PLXNA4: variants seen among roughly 807,000 people sequenced by gnomAD.
PLXNA4 encodes plexin A4, also known as plexin-A4.
Under a neutral mutation model 191.8 loss-of-function variants are expected in PLXNA4, and 44 were observed. The observed-to-expected ratio is 0.23, with a 90% CI of 0.18 to 0.29. The LOEUF (loss-of-function observed/expected upper bound fraction) is 0.29, where lower values mean the gene tolerates loss of function less well. Among genes scored for constraint, PLXNA4 ranks in the 10% least tolerant of loss-of-function variants. The probability of loss-of-function intolerance (pLI) is 1.00; values close to 1 mark genes in which losing one functional copy is unlikely to be tolerated. For synonymous variants in PLXNA4, 1,082 were observed against 1,009.5 expected (o/e 1.07, Z -1.36); for missense variants, 1,800 against 2,488.8 (o/e 0.72, Z 5.89).
intron 3 of PLXNA4, among the ~76,000 whole-genome samples, chr7:132,382,209 A>G (rs1804925529): frequency 6.6e-6 from 1 of 152,194 alleles, no homozygotes; most frequent in Non-Finnish European, 1.5e-5. Context: ...CCTGAAGCCC[A>G]GAGAAGAGGA....
chr7:132,279,592 T>C (rs753466310), intron 4 of PLXNA4, among the ~76,000 whole-genome samples: 5 of 151,916 alleles, frequency 3.3e-5, no homozygotes, highest in Non-Finnish European at 5.9e-5. Flanking sequence ...GCCATGATCA[T>C]ACCATCGCAC....
In PLXNA4 at chr7:132,496,466, A is replaced by G. The variant is rs564390032; in HGVS notation, c.1189-6992T>C. Among the ~76,000 whole-genome samples the G allele has an allele frequency of 3.3e-5, 5 of 152,246 alleles. No homozygotes were observed. In the South Asian group the frequency reaches 1.0e-3, roughly 32 times the overall value. ...TACCAGGGTGGAATGCAGTGGCACA[A>G]TCTTGGCTCACTGCAACCTCCACCC... On this transcript the variant is annotated intron_variant, in intron 2 of 31. Coordinates refer to ENST00000321063, the MANE Select transcript of PLXNA4 (RefSeq NM_020911.2).
chr7:132,526,312 G>A (rs566349234), intron 1 of PLXNA4, among the ~76,000 whole-genome samples: 5 of 152,182 alleles, frequency 3.3e-5, no homozygotes, highest in South Asian at 2.1e-4. Flanking sequence ...CAGCCCTCCC[G>A]TTAATCTCCT....
chr7:132,553,372 A>G (rs1254632060), intron 1 of PLXNA4, among the ~76,000 whole-genome samples: 2 of 152,176 alleles, frequency 1.3e-5, no homozygotes, highest in African/African-American at 2.4e-5. Context: ...AGTCAGAAGG[A>G]TCTCCAGGTT....
intron 9 of PLXNA4, among the ~76,000 whole-genome samples, chr7:132,221,213 G>T (rs1053204717): frequency 5.9e-5 from 9 of 152,032 alleles, no homozygotes; most frequent in Non-Finnish European, 8.8e-5. Context: ...TTAAAAGAAA[G>T]AAATTTGGTA....
chr7:132,466,032 A>T (rs1796686680), intron 3 of PLXNA4, among the ~76,000 whole-genome samples: 1 of 152,138 alleles, frequency 6.6e-6, no homozygotes, highest in African/African-American at 2.4e-5. Flanking sequence ...TCAACTTGGG[A>T]AACATCAAGA....
intron 14 of PLXNA4, among the ~76,000 whole-genome samples, chr7:132,188,991 AAGGAG>A (rs1796979657): frequency 2.4e-5 from 1 of 42,492 alleles, no homozygotes; most frequent in East Asian, 9.2e-4. Context: ...AAGGAAAGGA[AAGGAG>A]AGAGAGAGAG....
chr7:132,377,873 C>T (rs955189703), intron 3 of PLXNA4, among the ~76,000 whole-genome samples: 5 of 152,092 alleles, frequency 3.3e-5, no homozygotes, highest in African/African-American at 9.7e-5. Context: ...CACAGCACAG[C>T]CTGGCACAAA....
chr7:132,538,531 G>A (rs1230899342), intron 1 of PLXNA4, among the ~76,000 whole-genome samples: 3 of 152,208 alleles, frequency 2.0e-5, no homozygotes, highest in African/African-American at 7.2e-5. Flanking sequence ...CTCCAGGCCT[G>A]GCTCTGTTAT....
chr7:132,168,650 C>A, intron 21 of PLXNA4, 78 bp from the exon 22 acceptor site: 2 of 1,488,744 alleles, frequency 1.3e-6, no homozygotes, highest in South Asian at 1.4e-5. Context: ...TGGCTGTGCC[C>A]ATATCCATGA....
chr7:132,171,946 T>C lies in PLXNA4; in HGVS notation c.4017+2832A>G, dbSNP rs78232866. On this transcript the variant is annotated intron_variant, in intron 21 of 31. Transcript: ENST00000321063. ...AACGGCAACAGTTTTATTACCTGCC[T>C]TTCAGACTCCCTGGACTGCTTTCCA... Among the ~76,000 whole-genome samples the C allele has an allele frequency of 5.0e-3, 766 of 152,352 alleles. 5 individuals are homozygous for C. The highest frequency in any genetic ancestry group is 0.017 in the African/African-American group (717 of 41,576).
intron 3 of PLXNA4, among the ~76,000 whole-genome samples, chr7:132,443,077 A>T (rs1321429608): frequency 6.6e-6 from 1 of 152,230 alleles, no homozygotes; most frequent in Non-Finnish European, 1.5e-5. Flanking sequence ...ATCATGGTAC[A>T]GCCATGCAGA....
At chr7:132,517,581 T>C (rs1209613418) in intron 1 of PLXNA4, among the ~76,000 whole-genome samples, 1 of 152,322 alleles carries the variant, frequency 6.6e-6, no homozygotes, top group East Asian at 1.9e-4. Flanking sequence ...TCAAACGTAA[T>C]GCTGGGGGGC....
At chr7:132,606,705 A>G (rs1802930588) in intron 2 of PLXNA4, among the ~76,000 whole-genome samples, 1 of 152,206 alleles carries the variant, frequency 6.6e-6, no homozygotes, top group South Asian at 2.1e-4. Flanking sequence ...GGGGCTGGGC[A>G]CAGTTTTACA....
intron 2 of PLXNA4, among the ~76,000 whole-genome samples, chr7:132,622,967 G>T (rs988818397): frequency 6.6e-6 from 1 of 152,142 alleles, no homozygotes; most frequent in Non-Finnish European, 1.5e-5. Context: ...AAAGCTATTT[G>T]TGCAGGCTAT....
intron 2 of PLXNA4, among the ~76,000 whole-genome samples, chr7:132,615,148 C>G (rs796348502): frequency 7.2e-5 from 11 of 151,914 alleles, no homozygotes; most frequent in African/African-American, 2.7e-4. Flanking sequence ...GGACCCGGCA[C>G]AGGGGCGGGA....
chr7:132,445,840 C>A (rs1401617819), intron 3 of PLXNA4, among the ~76,000 whole-genome samples: 1 of 152,164 alleles, frequency 6.6e-6, no homozygotes, highest in Non-Finnish European at 1.5e-5. Context: ...CTCACTGTGT[C>A]CCCCCTCAGG....
chr7:132,359,277 A>G (rs910814888), intron 3 of PLXNA4, among the ~76,000 whole-genome samples: 1 of 142,312 alleles, frequency 7.0e-6, no homozygotes, highest in Non-Finnish European at 1.5e-5. Context: ...GCTGGAGTAC[A>G]GTGGCTCAAT....
intron 2 of PLXNA4, among the ~76,000 whole-genome samples, chr7:132,632,651 C>T (rs185962637): frequency 1.3e-5 from 2 of 152,188 alleles, no homozygotes; most frequent in East Asian, 3.9e-4. Flanking sequence ...CACAAAATTG[C>T]CAAGTTTATA....
Sources: gnomAD v4.1 joint callset for allele counts (sites outside exome capture counted in the v4.1 genomes callset) on GRCh38, gnomAD v4.1.1 for gene constraint, MANE v1.5 for transcripts, NCBI Gene and HGNC (gene_info 2026-07-23, HGNC 2026-07-21) for gene names.